Variants in AKAP13 observed in about 807,000 individuals in gnomAD.
AKAP13 encodes A-kinase anchor protein 13.
AKAP13 carries 80 observed loss-of-function variants against 264.5 expected under a neutral mutation model. The observed-to-expected ratio is 0.30, with a 90% confidence interval of 0.25 to 0.36. The LOEUF (loss-of-function observed/expected upper bound fraction) is 0.36, where lower values mean the gene tolerates loss of function less well. AKAP13 is among the 10% of genes least tolerant of loss of function. AKAP13 has a pLI of 1.00. For synonymous variants in AKAP13, 1,380 were observed against 1,250.2 expected (o/e 1.10, Z -2.19); for missense variants, 3,712 against 3,435.2 (o/e 1.08, Z -2.01).
intron 13 of AKAP13, 71 bp from the exon 14 acceptor site, chr15:85,669,651 A>C: frequency 8.6e-7 from 1 of 1,160,156 alleles, no homozygotes; most frequent in Non-Finnish European, 1.3e-6. Context: ...GTCTAATTAT[A>C]AGGTTTTATG....
chr15:85,717,356 T>G lies in AKAP13; in HGVS notation c.5802T>G (p.Asn1934Lys). ...KFLSHSTDSL[N>K]KISKVNESTE... is the part of the protein sequence containing the mutation. ...TGTCTCATTCAACAGACTCACTAAA[T>G]AAAATCAGCAAGGTCAATGAGTCAA... The change falls in exon 21 of 37, where the codon AAT (asparagine) becomes AAG (lysine). Residue 1934 changes from asparagine to lysine, a missense_variant. Physicochemically the swap from Asn to Lys is moderately conservative, Grantham distance 94 (BLOSUM62 0). Transcript: ENST00000394518. 5 of 1,613,324 alleles carry G rather than the reference T, an allele frequency of 3.1e-6. No individual in the cohort carries two copies. Among genetic ancestry groups the G allele is most frequent in the Non-Finnish European group, 4.2e-6 (5 of 1,179,820 alleles).
intron 8 of AKAP13, among the ~76,000 whole-genome samples, chr15:85,620,829 G>A (rs1053361118): frequency 2.0e-5 from 3 of 152,096 alleles, no homozygotes; most frequent in Non-Finnish European, 4.4e-5. Context: ...GGATGAGGGC[G>A]GAGACTCTGA....
intron 17 of AKAP13, among the ~76,000 whole-genome samples, chr15:85,698,555 T>C (rs2085706639): frequency 6.6e-6 from 1 of 151,880 alleles, no homozygotes; most frequent in African/African-American, 2.4e-5. Flanking sequence ...TATGTTAGGC[T>C]TTGCAGCCCA....
intron 5 of AKAP13, among the ~76,000 whole-genome samples, chr15:85,553,743 G>C (rs1424906308): frequency 6.6e-6 from 1 of 152,228 alleles, no homozygotes; most frequent in South Asian, 2.1e-4. Context: ...GACCCAGGTT[G>C]CACAGCAAGA....
At chr15:85,463,386 CT>C (rs1228818448) in intron 1 of AKAP13, among the ~76,000 whole-genome samples, 7 of 152,148 alleles carry the variant, frequency 4.6e-5, no homozygotes, top group African/African-American at 1.7e-4. Flanking sequence ...ATAATTTAGG[CT>C]TGACTTTCTT....
chr15:85,445,790 C>G (rs1596204426), intron 1 of AKAP13, among the ~76,000 whole-genome samples: 1 of 152,210 alleles, frequency 6.6e-6, no homozygotes, highest in South Asian at 2.1e-4. Context: ...TGGCACTGTA[C>G]TTGATGCTTC....
At chr15:85,644,065 C>T (rs991083968) in intron 9 of AKAP13, among the ~76,000 whole-genome samples, 4 of 151,988 alleles carry the variant, frequency 2.6e-5, no homozygotes, top group Non-Finnish European at 5.9e-5. Flanking sequence ...GAATTTGCTT[C>T]CCCCAAAACC....
intron 14 of AKAP13, among the ~76,000 whole-genome samples, chr15:85,673,396 G>A (rs7180463): frequency 0.014 from 2,081 of 152,162 alleles, 56 homozygotes; most frequent in African/African-American, 0.048. Flanking sequence ...TATGATGAGC[G>A]TGACTTGCCG....
At chr15:85,397,930 A>G (rs2071199169) in intron 1 of AKAP13, among the ~76,000 whole-genome samples, 2 of 152,226 alleles carry the variant, frequency 1.3e-5, no homozygotes, top group South Asian at 4.1e-4. Context: ...AGTACTCTAC[A>G]AACCCTTGTC....
chr15:85,452,749 C>G (rs556214776), intron 1 of AKAP13, among the ~76,000 whole-genome samples: 21 of 152,266 alleles, frequency 1.4e-4, no homozygotes, highest in African/African-American at 4.6e-4. Flanking sequence ...CCTATGTTTC[C>G]TCACAGTTGT....
At chr15:85,546,321 A>AATATAC (rs375341311) in intron 5 of AKAP13, among the ~76,000 whole-genome samples, 1 of 145,176 alleles carries the variant, frequency 6.9e-6, no homozygotes, top group East Asian at 2.0e-4. Flanking sequence ...GTTGTTACCA[A>AATATAC]ACACACACAC....
In AKAP13 at chr15:85,404,583, T is replaced by G. The variant is rs2071580491; in HGVS notation, c.-12+23785T>G. 2.0e-5 allele frequency among the ~76,000 whole-genome samples: 3 copies of G among 152,344 alleles called. No homozygotes were observed. In the South Asian group the frequency reaches 6.2e-4, roughly 32 times the overall value. On this transcript the variant is annotated intron_variant, in intron 1 of 36. Coordinates refer to ENST00000394518, the MANE Select transcript of AKAP13 (RefSeq NM_007200.5). ...GCTTTTCAAGCTAAGTCTTGAAGGA[T>G]GTTTCCTACATAAACCCTGCTTCAT...
rs182650378 is a variant in AKAP13, at chr15:85,664,017, G to C, written c.4800-546G>C. The stretch of plus-strand genomic sequence containing the variant: ...TTGTTTGGCCAGGTGTGCATAGATG[G>C]TAACACTCATGAGTAACACTTGGGT... On this transcript the variant is annotated intron_variant, in intron 12 of 36. Transcript: ENST00000394518. 3.9e-5 allele frequency among the ~76,000 whole-genome samples: 6 copies of C among 152,308 alleles called. No individual in the cohort carries two copies. In the East Asian group the frequency reaches 1.2e-3, roughly 29 times the overall value.
Position 85,726,493 on chromosome 15 carries a change from T to G in AKAP13, c.6822+7T>G. ...GTACATCTTTGCATCATTGGTAAGC[T>G]GAATTGTTATTTTTGTAATAGTATT... is the stretch of plus-strand genomic sequence containing the variant. On this transcript the variant is annotated splice_region_variant and intron_variant, in intron 27 of 36. Transcript: ENST00000394518. The G allele has an allele frequency of 6.2e-7, 1 of 1,605,608 alleles. No homozygotes were observed. Among genetic ancestry groups the G allele is most frequent in the Non-Finnish European group, 8.5e-7 (1 of 1,172,718 alleles).
chr15:85,579,518 C>G lies in AKAP13; in HGVS notation c.1450C>G (p.His484Asp). ...STPDTAGEME[H>D]GLMNPDATVW... The stretch of plus-strand genomic sequence containing the variant: ...CCCAGACACTGCAGGGGAAATGGAA[C>G]ATGGGCTCATGAACCCAGATGCCAC... Residue 484 changes from histidine (H) to aspartate (D), a missense_variant, in exon 7 of 37, where the codon CAT becomes GAT. By Grantham distance (81) the His-to-Asp change is moderately conservative (BLOSUM62 -1). Coordinates refer to ENST00000394518, the MANE Select transcript of AKAP13 (RefSeq NM_007200.5). 1 of 1,614,148 alleles carries G rather than the reference C, an allele frequency of 6.2e-7. No homozygotes were observed.
At chr15:85,621,464 T>G (rs1168628250) in intron 8 of AKAP13, 1 of 152,234 alleles carries the variant, frequency 6.6e-6, no homozygotes, top group African/African-American at 2.4e-5. Flanking sequence ...ATAATGTATT[T>G]AGGAGAATCT....
rs368856089 is a variant in AKAP13 at position 85,722,095 on chromosome 15, G to A, written c.6357G>A (p.Lys2119=). 1.9e-6 allele frequency: 3 copies of A among 1,613,964 alleles called. No homozygotes were observed. The African/African-American group carries it at 4.0e-5, about 22-fold the overall frequency. The part of the protein sequence containing the change: ...NYFKDLYAKD[K]RFQAFVKKKM... ...TCAAAGACCTTTATGCCAAGGATAA[G>A]CGTTTTCAAGCCTTTGTAAAGGTAT... Residue 2119 remains lysine (K), a synonymous_variant, in exon 24 of 37, where the codon AAG becomes AAA. Transcript: ENST00000394518.
intron 29 of AKAP13, among the ~76,000 whole-genome samples, chr15:85,730,279 G>A (rs1482582110): frequency 6.6e-6 from 1 of 152,220 alleles, no homozygotes; most frequent in Admixed American, 6.5e-5. Context: ...GTGCAGACTT[G>A]TTATGTCACA....
At chr15:85,393,120 G>C (rs1293046682) in intron 1 of AKAP13, among the ~76,000 whole-genome samples, 1 of 152,192 alleles carries the variant, frequency 6.6e-6, no homozygotes, top group Admixed American at 6.5e-5. Flanking sequence ...TGGAGTGGGA[G>C]AAGGGAGGTC....
Sources: gnomAD v4.1 joint callset for allele counts (sites outside exome capture counted in the v4.1 genomes callset) on GRCh38, gnomAD v4.1.1 for gene constraint, MANE v1.5 for transcripts, NCBI Gene and HGNC (gene_info 2026-07-23, HGNC 2026-07-21) for gene names.